Variants in ERAP1 observed in about 807,000 individuals in gnomAD.
ERAP1 encodes endoplasmic reticulum aminopeptidase 1.
ERAP1 carries 86 observed loss-of-function variants against 103.7 expected under a neutral mutation model. That is an observed-to-expected ratio of 0.83 (90% CI 0.70 to 0.99). ERAP1 has a LOEUF of 0.99. ERAP1 is among the 50% of genes least tolerant of loss of function. ERAP1 has a pLI of 0.00. For missense variants in ERAP1, 1,009 were observed against 1,128.4 expected (o/e 0.89, Z 1.52); for synonymous variants, 398 against 402.4 (o/e 0.99, Z 0.13).
At chr5:96,907,592 G>A in the ERAP1 span, among the ~76,000 whole-genome samples, 3 of 148,602 alleles carry the variant, frequency 2.0e-5, no homozygotes, top group African/African-American at 5.0e-5. Flanking sequence ...TTTTTAATAC[G>A]GCAGACTAGC....
At chr5:96,766,059 G>C in intron 19 of ERAP1, 3 of 1,592,686 alleles carry the variant, frequency 1.9e-6, no homozygotes, top group East Asian at 4.5e-5. Flanking sequence ...ATAGGAAAAA[G>C]CTAAAGCTGA....
At chr5:96,804,624 A>C (rs906658019) in intron 1 of ERAP1, 22 of 154,438 alleles carry the variant, frequency 1.4e-4, no homozygotes, top group African/African-American at 4.8e-4. Flanking sequence ...CGTATCAATC[A>C]CCTGGATTGA....
chr5:96,891,471 G>T, the ERAP1 span, among the ~76,000 whole-genome samples: 72 of 101,434 alleles, frequency 7.1e-4, no homozygotes, highest in South Asian at 0.025. Flanking sequence ...ACATATACAG[G>T]TATATATATA....
chr5:96,874,162 G>GAA, the ERAP1 span, among the ~76,000 whole-genome samples: 1 of 121,998 alleles, frequency 8.2e-6, no homozygotes, highest in African/African-American at 3.9e-5. Flanking sequence ...AAGAAAGAAA[G>GAA]AAAGAAAGAA....
At chr5:96,927,738 G>A in the ERAP1 span, among the ~76,000 whole-genome samples, 1 of 152,108 alleles carries the variant, frequency 6.6e-6, no homozygotes, top group South Asian at 2.1e-4. Flanking sequence ...TGCCCGTCTT[G>A]GCCTCCCAAA....
At chr5:96,891,499 G>A in the ERAP1 span, among the ~76,000 whole-genome samples, 1,299 of 140,062 alleles carry the variant, frequency 9.3e-3, 48 homozygotes, top group South Asian at 0.08. Flanking sequence ...GTGTGTGTGT[G>A]TATATATATA....
Position 96,792,165 on chromosome 5 carries a change from C to T in ERAP1, c.1216G>A (p.Asp406Asn), listed in dbSNP as rs181668902. The change falls in exon 8 of 19, where the codon GAC becomes AAC. Residue 406 changes from aspartate (D) to asparagine (N), a missense_variant. Physicochemically the swap from Asp to Asn is conservative, Grantham distance 23. Transcript: ENST00000443439. ...VGDYFFGKCF[D>N]AMEVDALNSS... ...TTTAAAGCATCTACCTCCATTGCGT[C>T]AAAACATTTGCCAAAGAAATAATCT... 40 of 1,613,656 alleles carry T rather than the reference C, an allele frequency of 2.5e-5. No individual in the cohort carries two copies. In the Admixed American group the frequency reaches 3.2e-4, roughly 13 times the overall value.
At chr5:96,808,031 G>A (rs1347136592), upstream of ERAP1, 1 of 985,530 alleles carries the variant, frequency 1.0e-6, no homozygotes. Flanking sequence ...GCTAAGGCGG[G>A]AGCTGGGGAA....
At chr5:96,892,360 T>C in the ERAP1 span, 1 of 1,614,070 alleles carries the variant, frequency 6.2e-7, no homozygotes, top group South Asian at 1.1e-5. Flanking sequence ...TCATTACATA[T>C]AGGGAGACGT....
At chr5:96,767,397 C>G (rs936725817) in intron 19 of ERAP1, 2 of 1,546,446 alleles carry the variant, frequency 1.3e-6, no homozygotes, top group East Asian at 2.2e-5. Flanking sequence ...TAAACCTTTA[C>G]AGATATCTAT....
exon 20 of ERAP1, chr5:96,761,088 A>G (rs1320411117): frequency 6.6e-6 from 1 of 152,170 alleles, no homozygotes; most frequent in African/African-American, 2.4e-5. Context: ...ATTTTTAAAG[A>G]GAGTGAAAAA....
chr5:96,873,926 T>C, the ERAP1 span, among the ~76,000 whole-genome samples: 2 of 151,570 alleles, frequency 1.3e-5, no homozygotes, highest in African/African-American at 4.9e-5. Context: ...GCTGACAGGA[T>C]AGGCCTTGGT....
the ERAP1 span, chr5:96,909,905 T>C: frequency 1.3e-6 from 1 of 766,582 alleles, no homozygotes; most frequent in Non-Finnish European, 2.1e-6. Flanking sequence ...TGTTTCATGC[T>C]CTCACATTGT....
At chr5:96,900,579 T>A in the ERAP1 span, among the ~76,000 whole-genome samples, 2 of 152,096 alleles carry the variant, frequency 1.3e-5, no homozygotes, top group African/African-American at 4.8e-5. Context: ...ATAGAATCAC[T>A]ACAGGAAAGA....
chr5:96,900,158 G>C, the ERAP1 span: 2 of 1,613,852 alleles, frequency 1.2e-6, no homozygotes, highest in East Asian at 4.5e-5. Context: ...GGTGGAGTTT[G>C]TCATTCGGAT....
At position 96,776,528 on chromosome 5, in the gene ERAP1, C is replaced by T; in HGVS notation, c.2694G>A (p.Leu898=). ...AACGGAGCTGAGAACCATTTTCTTT[C>T]AAAGAGCTGAAGAATCCTTTTACCT... The part of the protein sequence containing the change: ...LEEVKGFFSS[L]KENGSQLRCV... Residue 898 remains leucine, a synonymous_variant, in exon 19 of 19, where the codon TTG becomes TTA. Transcript: ENST00000443439. 6.2e-7 allele frequency: 1 copy of T among 1,614,038 alleles called. No individual in the cohort carries two copies. Among genetic ancestry groups the T allele is most frequent in the Non-Finnish European group, 8.5e-7 (1 of 1,180,014 alleles).
chr5:96,880,069 A>G, the ERAP1 span: 1 of 1,614,170 alleles, frequency 6.2e-7, no homozygotes, highest in Non-Finnish European at 8.5e-7. Context: ...AGGAAGATTC[A>G]AGATACATGA....
chr5:96,868,174 G>T, the ERAP1 span, among the ~76,000 whole-genome samples: 1 of 152,162 alleles, frequency 6.6e-6, no homozygotes, highest in Non-Finnish European at 1.5e-5. Flanking sequence ...TATACAATCA[G>T]TTCTCTCTTA....
At chr5:96,853,850 T>TAA in the ERAP1 span, among the ~76,000 whole-genome samples, 38,800 of 143,612 alleles carry the variant, frequency 0.27, 6,298 homozygotes, top group Non-Finnish European at 0.37. Context: ...TTAAAAGTTC[T>TAA]AAAAAAAAAA....
Sources: allele counts gnomAD v4.1 joint callset (sites outside exome capture counted in the v4.1 genomes callset), GRCh38; gene constraint gnomAD v4.1.1; transcripts MANE v1.5; gene names NCBI Gene and HGNC (gene_info 2026-07-23, HGNC 2026-07-21).